The following PANK3 variants were observed in gnomAD, a reference collection of about 807,000 sequenced individuals.
PANK3 encodes pantothenate kinase 3, also known as hPanK3.
In PANK3, 20 loss-of-function variants were observed where a neutral mutation model predicts 39.4. The ratio of observed to expected loss-of-function variants is 0.51; its 90% CI spans 0.36 to 0.74. The LOEUF is 0.74. Ranked by LOEUF, PANK3 falls within the 30% of genes least tolerant of loss-of-function variation. The pLI is 0.00. For missense variants in PANK3, 265 were observed against 437.0 expected (o/e 0.61, Z 3.51); for synonymous variants, 140 against 157.3 (o/e 0.89, Z 0.82).
rs1300694742 is a variant in PANK3, at chr5:168,550,627, C to A, written c.*6944G>T. Reference sequence around the variant, plus strand: ...ACCATTCTACTGGTTTGGTGAGAATCCAATACCTAGTACCTATCAAATATA... The same window carrying A: ...ACCATTCTACTGGTTTGGTGAGAATACAATACCTAGTACCTATCAAATATA... On this transcript the variant is annotated 3_prime_UTR_variant, in exon 7 of 7. Transcript: ENST00000239231. 2 of 152,066 alleles carry A rather than the reference C, an allele frequency of 1.3e-5. No homozygotes were observed. Among genetic ancestry groups the A allele is most frequent in the African/African-American group, 2.4e-5 (1 of 41,424 alleles). 9.4% of individuals were successfully genotyped at this position (152,066 alleles called of 1,614,324 possible). A position where few individuals can be genotyped will look rare whatever the true frequency, so the allele number is the denominator to read the frequency against.
chr5:168,559,194 A>G (rs752094314), intron 5 of PANK3, 37 bp from the exon 6 acceptor site: 13 of 1,309,092 alleles, frequency 9.9e-6, no homozygotes, highest in Middle Eastern at 2.4e-4. Context: ...TTGTAAAAAT[A>G]ATAGATTTTA....
At chr5:168,568,381 A>G (rs1359652777) in intron 2 of PANK3, among the ~76,000 whole-genome samples, 1 of 152,224 alleles carries the variant, frequency 6.6e-6, no homozygotes, top group East Asian at 1.9e-4. Flanking sequence ...CAAATTCATT[A>G]AAGTCCCCAA....
At position 168,550,927 on chromosome 5, in the gene PANK3, T is replaced by C. The variant is rs1325818153; in HGVS notation, c.*6644A>G. ...CAAATATGACCTCACATTCACTGAATATGCAGGAATAATGCAAATAAGTAG... is the reference window on the plus strand; with the variant it reads ...CAAATATGACCTCACATTCACTGAACATGCAGGAATAATGCAAATAAGTAG... On this transcript the variant is annotated 3_prime_UTR_variant, in exon 7 of 7. Coordinates refer to ENST00000239231, the MANE Select transcript of PANK3 (RefSeq NM_024594.4). 1.3e-5 allele frequency: 2 copies of C among 152,260 alleles called. No homozygotes were observed. Among genetic ancestry groups the C allele is most frequent in the South Asian group, 2.1e-4 (1 of 4,826 alleles). 9.4% of individuals were successfully genotyped at this position (152,260 alleles called of 1,614,324 possible).
chr5:168,565,847 C>T (rs1360180190), intron 3 of PANK3, among the ~76,000 whole-genome samples, 166 bp downstream of exon 3: 10 of 108,626 alleles, frequency 9.2e-5, no homozygotes, highest in Non-Finnish European at 1.9e-4. Context: ...ACATGGCACC[C>T]TCTTTCACTT....
At position 168,550,303 on chromosome 5, in the gene PANK3, G is replaced by T. The variant is rs1419069244; in HGVS notation, c.*7268C>A. On this transcript the variant is annotated 3_prime_UTR_variant, in exon 7 of 7. Transcript: ENST00000239231. Reference sequence around the variant, plus strand: ...AGGCTAGGCTAAGCTGGGATGTTCAGTAGGTTAGGCGTATTAAATGTATTT... The same window carrying T: ...AGGCTAGGCTAAGCTGGGATGTTCATTAGGTTAGGCGTATTAAATGTATTT... The T allele has an allele frequency of 6.6e-6, 1 of 152,204 alleles. No individual in the cohort carries two copies. The highest frequency in any genetic ancestry group is 2.4e-5 in the African/African-American group (1 of 41,440). 9.4% of individuals were successfully genotyped at this position (152,204 alleles called of 1,614,324 possible). A position where few individuals can be genotyped will look rare whatever the true frequency, so the allele number is the denominator to read the frequency against.
rs1386646694 is a variant in PANK3, at chr5:168,556,547, T to C, written c.*1024A>G. ...TGGTTGTTGAGCCTTTGGATAAAAA[T>C]CCACATGGCTATGGAGTGGGTTTTG... On this transcript the variant is annotated 3_prime_UTR_variant, in exon 7 of 7. Transcript: ENST00000239231. 1 of 152,570 alleles carries C rather than the reference T, an allele frequency of 6.6e-6. No individual in the cohort carries two copies. The highest frequency in any genetic ancestry group is 1.5e-5 in the Non-Finnish European group (1 of 68,040). The allele number at this position is 152,570 out of a possible 1,614,324, so 9.5% of individuals were successfully genotyped here.
intron 4 of PANK3, 131 bp downstream of exon 4, chr5:168,563,758 T>G: frequency 1.4e-6 from 1 of 713,794 alleles, no homozygotes. Flanking sequence ...GACATCAATG[T>G]TCAAAACTTG....
intron 2 of PANK3, among the ~76,000 whole-genome samples, chr5:168,568,050 T>C (rs1400125070): frequency 6.6e-6 from 1 of 152,182 alleles, no homozygotes; most frequent in Non-Finnish European, 1.5e-5. Flanking sequence ...TGGAAAAGAC[T>C]AGAAGATGGC....
At position 168,554,654 on chromosome 5, in the gene PANK3, G is replaced by C. The variant is rs1361452083; in HGVS notation, c.*2917C>G. 1 of 152,170 alleles carries C rather than the reference G, an allele frequency of 6.6e-6. No homozygotes were observed. The highest frequency in any genetic ancestry group is 2.1e-4 in the South Asian group (1 of 4,832). The allele number at this position is 152,170 out of a possible 1,614,324, so 9.4% of individuals were successfully genotyped here. ...AGTAGCCATTTTAAAACCCTACAAT[G>C]ACTTCATGTTCCTTGCTTTAATATT... On this transcript the variant is annotated 3_prime_UTR_variant, in exon 7 of 7. Transcript: ENST00000239231.
Position 168,566,271 on chromosome 5 carries a change from TAAAAC to T in PANK3, c.382-10_382-6del, listed in dbSNP as rs1759531254. ...GTGCAGGTGGAGGTTTCCAATCTGTTAAAACAAACAAACAAAAACAAAAAAGGATG... is the reference window on the plus strand; with the variant it reads ...GTGCAGGTGGAGGTTTCCAATCTGTTAAACAAACAAAAACAAAAAAGGATG... On this transcript the variant is annotated splice_polypyrimidine_tract_variant and splice_region_variant and intron_variant, in intron 2 of 6. Transcript: ENST00000239231. 2 of 1,571,234 alleles carry T rather than the reference TAAAAC, an allele frequency of 1.3e-6. No homozygotes were observed. The highest frequency in any genetic ancestry group is 1.7e-6 in the Non-Finnish European group (2 of 1,152,442).
chr5:168,577,989 C>T (rs1036253087), intron 1 of PANK3, among the ~76,000 whole-genome samples: 1 of 152,164 alleles, frequency 6.6e-6, no homozygotes, highest in Non-Finnish European at 1.5e-5. Flanking sequence ...TTATAGATTT[C>T]TTGAACAACT....
intron 1 of PANK3, chr5:168,578,768 T>G (rs11748598): frequency 0.17 from 25,677 of 153,908 alleles, 2,561 homozygotes; most frequent in East Asian, 0.46. Context: ...AATTACACAC[T>G]GGCAGACTGC....
chr5:168,578,279 G>A (rs1276267999), intron 1 of PANK3, among the ~76,000 whole-genome samples: 1 of 152,214 alleles, frequency 6.6e-6, no homozygotes, highest in Non-Finnish European at 1.5e-5. Context: ...TTGGCTTGTT[G>A]CCTCTCAGGT....
chr5:168,572,286 T>G (rs1193743780), intron 1 of PANK3, among the ~76,000 whole-genome samples: 1 of 151,960 alleles, frequency 6.6e-6, no homozygotes, highest in Non-Finnish European at 1.5e-5. Context: ...ACTAATTTTT[T>G]TATTTTTAGT....
chr5:168,579,204 A>C, intron 1 of PANK3, 52 bp downstream of exon 1: 1 of 1,453,654 alleles, frequency 6.9e-7, no homozygotes, highest in Non-Finnish European at 9.1e-7. Flanking sequence ...GGGCTTTCAG[A>C]CGGGGCCCAA....
rs1687104368 is a variant in PANK3, at chr5:168,554,046, TCAGTGTTTAGTAAA to T, written c.*3511_*3524del. The T allele has an allele frequency of 6.6e-6, 1 of 152,206 alleles. No homozygotes were observed. The highest frequency in any genetic ancestry group is 2.4e-5 in the African/African-American group (1 of 41,466). 9.4% of individuals were successfully genotyped at this position (152,206 alleles called of 1,614,324 possible). On this transcript the variant is annotated 3_prime_UTR_variant, in exon 7 of 7. Coordinates refer to ENST00000239231, the MANE Select transcript of PANK3 (RefSeq NM_024594.4). ...CAATACTGCAGAATTACTAAAAGGA[TCAGTGTTTAGTAAA>T]CAAAAGCATAATAGTTCCAAAATTT...
At chr5:168,568,182 G>C (rs914049544) in intron 2 of PANK3, among the ~76,000 whole-genome samples, 1 of 152,150 alleles carries the variant, frequency 6.6e-6, no homozygotes, top group African/African-American at 2.4e-5. Flanking sequence ...AAAAAAAAGG[G>C]TAACAGATTT....
intron 3 of PANK3, 35 bp downstream of exon 3, chr5:168,565,978 T>C (rs1759527026): frequency 1.9e-6 from 3 of 1,579,198 alleles, no homozygotes; most frequent in Non-Finnish European, 2.6e-6. Context: ...TATAAAACAA[T>C]GTGAATGCAG....
At chr5:168,576,117 T>C (rs1759727179) in intron 1 of PANK3, among the ~76,000 whole-genome samples, 1 of 152,200 alleles carries the variant, frequency 6.6e-6, no homozygotes, top group African/African-American at 2.4e-5. Flanking sequence ...TTTAGTAAAT[T>C]AGTTATTTCT....
Sources: gnomAD v4.1 joint callset for allele counts (sites outside exome capture counted in the v4.1 genomes callset) on GRCh38, gnomAD v4.1.1 for gene constraint, MANE v1.5 for transcripts, NCBI Gene and HGNC (gene_info 2026-07-23, HGNC 2026-07-21) for gene names.